Variants in PPP2R2B observed in about 807,000 individuals in gnomAD.
PPP2R2B encodes the protein protein phosphatase 2 regulatory subunit Bbeta.
Under a neutral mutation model 46.0 loss-of-function variants are expected in PPP2R2B, and 5 were observed. The observed-to-expected ratio is 0.11, with a 90% confidence interval of 0.06 to 0.23. PPP2R2B has a LOEUF of 0.23. Among genes scored for constraint, PPP2R2B ranks in the 10% least tolerant of loss-of-function variants. PPP2R2B has a pLI of 1.00. For synonymous variants in PPP2R2B, 215 were observed against 206.7 expected, an observed-to-expected ratio of 1.04 and a Z score of -0.34; for missense variants, 367 against 575.0, an observed-to-expected ratio of 0.64 and a Z score of 3.70.
chr5:146,891,429 G>T (rs1011561357), intron 1 of PPP2R2B, among the ~76,000 whole-genome samples: 3 of 152,208 alleles, frequency 2.0e-5, no homozygotes, highest in Non-Finnish European at 4.4e-5. Flanking sequence ...TGTCTACATG[G>T]ATGCTAGATT....
chr5:147,000,722 A>G (rs1203381070), intron 1 of PPP2R2B, among the ~76,000 whole-genome samples: 1 of 142,042 alleles, frequency 7.0e-6, no homozygotes, highest in Non-Finnish European at 1.5e-5. Context: ...TACTGATCAC[A>G]TAGGTTTATA....
At chr5:146,745,641 G>C (rs1454799325) in intron 2 of PPP2R2B, among the ~76,000 whole-genome samples, 1 of 152,156 alleles carries the variant, frequency 6.6e-6, no homozygotes, top group African/African-American at 2.4e-5. Flanking sequence ...AGAAAATGAG[G>C]TAAAGAAAGT....
chr5:147,052,744 A>T (rs1049367563), intron 1 of PPP2R2B, among the ~76,000 whole-genome samples: 2 of 152,090 alleles, frequency 1.3e-5, no homozygotes, highest in African/African-American at 4.8e-5. Flanking sequence ...CCCGCTTGCC[A>T]TGGAAACCAT....
At chr5:147,076,870 T>C (rs1385154797) in intron 2 of PPP2R2B, among the ~76,000 whole-genome samples, 1 of 152,050 alleles carries the variant, frequency 6.6e-6, no homozygotes, top group Non-Finnish European at 1.5e-5. Flanking sequence ...ACCCTGGATA[T>C]AGTAAGCACT....
chr5:146,643,168 T>C (rs1775332814), intron 6 of PPP2R2B, among the ~76,000 whole-genome samples: 1 of 151,484 alleles, frequency 6.6e-6, no homozygotes, highest in South Asian at 2.1e-4. Flanking sequence ...ACGTAAAAGA[T>C]ATTACACACA....
At chr5:147,066,599 G>A (rs982166953) in intron 2 of PPP2R2B, among the ~76,000 whole-genome samples, 2 of 152,140 alleles carry the variant, frequency 1.3e-5, no homozygotes, top group African/African-American at 2.4e-5. Context: ...AATGTTGGAT[G>A]TGCTCAGCGC....
At chr5:146,989,246 A>G (rs1438215479) in intron 1 of PPP2R2B, among the ~76,000 whole-genome samples, 5 of 150,136 alleles carry the variant, frequency 3.3e-5, no homozygotes, top group Non-Finnish European at 1.5e-5. Context: ...TTCCATATTC[A>G]TTCTACAAGG....
intron 2 of PPP2R2B, among the ~76,000 whole-genome samples, chr5:146,792,459 C>G (rs1756259802): frequency 6.6e-6 from 1 of 151,950 alleles, no homozygotes; most frequent in Non-Finnish European, 1.5e-5. Context: ...TAACAATGAA[C>G]AAAACAAACA....
At chr5:146,834,895 A>G (rs532346374) in intron 2 of PPP2R2B, among the ~76,000 whole-genome samples, 5 of 152,194 alleles carry the variant, frequency 3.3e-5, no homozygotes, top group Admixed American at 2.6e-4. Flanking sequence ...CTGTTCCTGC[A>G]TTAGTTGGCT....
intron 1 of PPP2R2B, among the ~76,000 whole-genome samples, chr5:147,051,015 G>A (rs1756787206): frequency 6.6e-6 from 1 of 152,042 alleles, no homozygotes; most frequent in South Asian, 2.1e-4. Flanking sequence ...TCTACTCAGA[G>A]TCAAGCTCTG....
At chr5:147,005,465 T>G (rs899284691) in intron 1 of PPP2R2B, among the ~76,000 whole-genome samples, 32 of 152,144 alleles carry the variant, frequency 2.1e-4, no homozygotes, top group African/African-American at 7.7e-4. Context: ...TGCTGCAATA[T>G]GGAAAGAAAG....
At chr5:146,719,714 C>T (rs944551612) in intron 2 of PPP2R2B, among the ~76,000 whole-genome samples, 2 of 152,052 alleles carry the variant, frequency 1.3e-5, no homozygotes, top group African/African-American at 2.4e-5. Flanking sequence ...TAGGTCATAT[C>T]TGACAAGCAG....
rs1336999400 is a variant in PPP2R2B, at chr5:146,650,655, T to C, written c.517A>G (p.Thr173Ala). The change falls in exon 6 of 10, where the codon ACA becomes GCA. Residue 173 changes from threonine (T) to alanine (A), a missense_variant. Thr to Ala is a moderately conservative substitution (Grantham distance 58). This residue lies in a region of PPP2R2B where 361 missense variants were observed against 545.5 expected (regional missense o/e 0.66). Transcript: ENST00000394411. Reference sequence around the variant, plus strand: ...ACAGATATGGAGTTGATGTGATATGTGTGTGCGTTGGCAAATACTCTTCGT... The same window carrying C: ...ACAGATATGGAGTTGATGTGATATGCGTGTGCGTTGGCAAATACTCTTCGT... ...TPRRVFANAHTYHINSISVNS... is the reference protein window; with the variant it reads ...TPRRVFANAHAYHINSISVNS... 2 of 1,614,068 alleles carry C rather than the reference T, an allele frequency of 1.2e-6. No individual in the cohort carries two copies. The highest frequency in any genetic ancestry group is 1.7e-6 in the Non-Finnish European group (2 of 1,179,974).
At chr5:146,822,535 G>GTTT (rs368081191) in intron 2 of PPP2R2B, among the ~76,000 whole-genome samples, 12 of 125,292 alleles carry the variant, frequency 9.6e-5, no homozygotes, top group African/African-American at 3.2e-4. Flanking sequence ...TTCATTTTTG[G>GTTT]TTTTTTTTTT....
intron 1 of PPP2R2B, chr5:147,040,807 T>TA: frequency 2.4e-6 from 1 of 417,986 alleles, no homozygotes; most frequent in Admixed American, 2.9e-5. Context: ...ATGAGTTTCC[T>TA]TAAAAAAAAA....
chr5:146,895,776 A>C (rs746405233), intron 1 of PPP2R2B, among the ~76,000 whole-genome samples: 2 of 152,138 alleles, frequency 1.3e-5, no homozygotes, highest in Non-Finnish European at 2.9e-5. Flanking sequence ...AAAGAATTCC[A>C]TCTGCCTAGC....
chr5:146,597,938 C>A (rs943451039), intron 8 of PPP2R2B, among the ~76,000 whole-genome samples: 1 of 152,234 alleles, frequency 6.6e-6, no homozygotes, highest in Non-Finnish European at 1.5e-5. Context: ...CCCCCAAGGG[C>A]TTTGCTCCTT....
Position 146,757,684 on chromosome 5 carries a change from G to A in PPP2R2B, c.71-56542C>T, listed in dbSNP as rs548868357. Among the ~76,000 whole-genome samples the A allele has an allele frequency of 5.3e-5, 8 of 152,226 alleles. No homozygotes were observed. The East Asian group carries it at 5.8e-4, about 11-fold the overall frequency. The stretch of plus-strand genomic sequence containing the variant: ...ATCTCTGAAATCTGTACAAACATGC[G>A]ATATGGGGGAAGGAAAGAATACAAG... On this transcript the variant is annotated intron_variant, in intron 2 of 9. Coordinates refer to ENST00000394411, the MANE Select transcript of PPP2R2B (RefSeq NM_181675.4).
chr5:146,647,561 G>T (rs1775669877), intron 6 of PPP2R2B, among the ~76,000 whole-genome samples: 1 of 152,346 alleles, frequency 6.6e-6, no homozygotes. Flanking sequence ...GGTCTCATTT[G>T]TATGCCAGCA....
Sources: allele counts gnomAD v4.1 joint callset (sites outside exome capture counted in the v4.1 genomes callset), GRCh38; gene constraint gnomAD v4.1.1; regional missense constraint gnomAD v4.1.1; transcripts MANE v1.5; gene names NCBI Gene and HGNC (gene_info 2026-07-23, HGNC 2026-07-21).